Variants in NKAIN2 observed in about 807,000 individuals in gnomAD.
NKAIN2 encodes the protein sodium/potassium-transporting ATPase subunit beta-1-interacting protein 2.
NKAIN2 carries 14 observed loss-of-function variants against 32.6 expected under a neutral mutation model. The observed-to-expected ratio is 0.43, with a 90% CI of 0.28 to 0.67. NKAIN2 has a LOEUF of 0.67. Ranked by LOEUF, NKAIN2 falls within the 30% of genes least tolerant of loss-of-function variation. The pLI is 0.17. For synonymous variants in NKAIN2, 80 were observed against 87.2 expected, an observed-to-expected ratio of 0.92 and a Z score of 0.46; for missense variants, 198 against 258.3, an observed-to-expected ratio of 0.77 and a Z score of 1.60.
intron 1 of NKAIN2, among the ~76,000 whole-genome samples, chr6:124,081,534 A>G (rs1292053871): frequency 1.3e-5 from 2 of 152,108 alleles, no homozygotes; most frequent in African/African-American, 4.8e-5. Context: ...CTTGGTAATT[A>G]CTCATAAATG....
At chr6:124,357,121 C>G (rs1048928135) in intron 3 of NKAIN2, among the ~76,000 whole-genome samples, 1 of 152,128 alleles carries the variant, frequency 6.6e-6, no homozygotes, top group African/African-American at 2.4e-5. Flanking sequence ...CAGATAATTT[C>G]TATCCCTTGG....
intron 3 of NKAIN2, among the ~76,000 whole-genome samples, chr6:124,498,622 G>A (rs1244107028): frequency 6.6e-6 from 1 of 152,088 alleles, no homozygotes; most frequent in African/African-American, 2.4e-5. Flanking sequence ...TCTTAGTGCT[G>A]TGATAATGCA....
At chr6:124,700,398 A>G (rs1774717105) in intron 4 of NKAIN2, among the ~76,000 whole-genome samples, 1 of 152,174 alleles carries the variant, frequency 6.6e-6, no homozygotes, top group Non-Finnish European at 1.5e-5. Flanking sequence ...TACATCAGCA[A>G]CTTTTTGCCA....
chr6:124,476,095 T>C (rs866340499), intron 3 of NKAIN2, among the ~76,000 whole-genome samples: 34 of 142,462 alleles, frequency 2.4e-4, no homozygotes, highest in East Asian at 6.8e-4. Context: ...TGTGTGTGTG[T>C]GTGCGTGCGC....
intron 3 of NKAIN2, among the ~76,000 whole-genome samples, chr6:124,624,331 A>G (rs1783220270): frequency 6.6e-6 from 1 of 152,154 alleles, no homozygotes; most frequent in Admixed American, 6.6e-5. Context: ...AGAGCATAAA[A>G]AGGAACACTG....
chr6:124,289,530 CTA>C (rs1795705484), intron 2 of NKAIN2, among the ~76,000 whole-genome samples: 1 of 152,162 alleles, frequency 6.6e-6, no homozygotes, highest in Non-Finnish European at 1.5e-5. Context: ...CTTGAGAAAT[CTA>C]TAGACACCTT....
intron 1 of NKAIN2, among the ~76,000 whole-genome samples, chr6:123,976,055 T>C (rs1778551983): frequency 6.6e-6 from 1 of 151,544 alleles, no homozygotes; most frequent in African/African-American, 2.4e-5. Context: ...CCCCTGCACA[T>C]GCTTTCTTGT....
chr6:124,510,534 T>C (rs1160948400), intron 3 of NKAIN2, among the ~76,000 whole-genome samples: 1 of 152,222 alleles, frequency 6.6e-6, no homozygotes, highest in East Asian at 1.9e-4. Context: ...GCCATCTTTA[T>C]AAAGTTAAGA....
intron 2 of NKAIN2, among the ~76,000 whole-genome samples, chr6:124,296,582 C>G (rs1208889118): frequency 6.6e-6 from 1 of 151,876 alleles, no homozygotes; most frequent in Non-Finnish European, 1.5e-5. Flanking sequence ...CATTGAAAAC[C>G]AGATTATAGA....
At chr6:123,910,499 G>GTTTTTTTTTTTTGTTTTTTTTTTT (rs1775118616) in intron 1 of NKAIN2, among the ~76,000 whole-genome samples, 4 of 81,318 alleles carry the variant, frequency 4.9e-5, no homozygotes, top group African/African-American at 1.5e-4. Context: ...TGCAATGCAT[G>GTTTTTTTTTTTTGTTTTTTTTTTT]TTTTTTTTTT....
At chr6:124,806,736 G>A (rs924330417) in intron 5 of NKAIN2, among the ~76,000 whole-genome samples, 1 of 151,926 alleles carries the variant, frequency 6.6e-6, no homozygotes, top group African/African-American at 2.4e-5. Context: ...GCTGTATTCA[G>A]GAAACCCATT....
At chr6:123,843,767 T>C (rs1774977623) in intron 1 of NKAIN2, among the ~76,000 whole-genome samples, 4 of 152,080 alleles carry the variant, frequency 2.6e-5, no homozygotes, top group Admixed American at 2.0e-4. Flanking sequence ...TGACGGGTGG[T>C]GGCGACGCAA....
chr6:124,043,733 C>T (rs1781984831), intron 1 of NKAIN2, among the ~76,000 whole-genome samples: 1 of 152,052 alleles, frequency 6.6e-6, no homozygotes, highest in African/African-American at 2.4e-5. Context: ...GATTGTCTTA[C>T]ATTCCTAGAA....
At chr6:124,578,979 T>C (rs2114935034) in intron 3 of NKAIN2, among the ~76,000 whole-genome samples, 1 of 152,310 alleles carries the variant, frequency 6.6e-6, no homozygotes, top group African/African-American at 2.4e-5. Flanking sequence ...AGATCTTAAC[T>C]AAGACCATCA....
intron 2 of NKAIN2, among the ~76,000 whole-genome samples, chr6:124,330,420 A>G (rs558682250): frequency 1.4e-4 from 21 of 152,302 alleles, no homozygotes; most frequent in Admixed American, 1.2e-3. Context: ...TTCAGTAGCA[A>G]TAGAAGCTGA....
rs55699989 is a variant in NKAIN2, at chr6:124,282,038, T to G, written c.55-967T>G. Among the ~76,000 whole-genome samples, 951 of 152,276 alleles carry G rather than the reference T, an allele frequency of 6.2e-3. 12 individuals are homozygous for G. Among genetic ancestry groups the G allele is most frequent in the African/African-American group, 0.022 (897 of 41,556 alleles). On this transcript the variant is annotated intron_variant, in intron 1 of 6. Coordinates refer to ENST00000368417, the MANE Select transcript of NKAIN2 (RefSeq NM_001040214.3). ...CCCCCCTGAGGGCAGGCAGGAAGAATAAAGCCAACATTCTGCTTTACTTTG... is the reference window on the plus strand; with the variant it reads ...CCCCCCTGAGGGCAGGCAGGAAGAAGAAAGCCAACATTCTGCTTTACTTTG...
intron 1 of NKAIN2, among the ~76,000 whole-genome samples, chr6:123,885,281 G>A (rs766730620): frequency 1.3e-5 from 2 of 152,034 alleles, no homozygotes; most frequent in Non-Finnish European, 2.9e-5. Context: ...ATAGGATTAC[G>A]GGATGGCTTT....
chr6:124,059,986 A>T (rs1158693118), intron 1 of NKAIN2, among the ~76,000 whole-genome samples: 5 of 152,070 alleles, frequency 3.3e-5, no homozygotes, highest in Non-Finnish European at 7.4e-5. Context: ...ATTGTTTTCA[A>T]TTTTTTTGTC....
At position 124,259,164 on chromosome 6, in the gene NKAIN2, T is replaced by C. The variant is rs147656836; in HGVS notation, c.55-23841T>C. ...GGCCTTTTGTTGATTCTGTACCATA[T>C]GTGGCACTCTCTACTTAAAAGCCCT... On this transcript the variant is annotated intron_variant, in intron 1 of 6. Transcript: ENST00000368417. Among the ~76,000 whole-genome samples the C allele has an allele frequency of 1.2e-3, 184 of 152,294 alleles. 1 individual carries two copies. Among genetic ancestry groups the C allele is most frequent in the African/African-American group, 4.3e-3 (177 of 41,578 alleles).
Sources: gnomAD v4.1 joint callset for allele counts (sites outside exome capture counted in the v4.1 genomes callset) on GRCh38, gnomAD v4.1.1 for gene constraint, MANE v1.5 for transcripts, NCBI Gene and HGNC (gene_info 2026-07-23, HGNC 2026-07-21) for gene names.